KDM4F: variants seen among roughly 807,000 people sequenced by gnomAD.
The protein encoded by KDM4F is probable lysine-specific demethylase 4F.
For synonymous variants in KDM4F, 223 were observed against 184.4 expected (o/e 1.21, Z -1.70); for missense variants, 586 against 496.4 (o/e 1.18, Z -1.71).
chr11:95,050,781 G>C (rs1858503957), exon 1 of KDM4F: 2 of 640,848 alleles, frequency 3.1e-6, no homozygotes, highest in African/African-American at 3.6e-5. Context: ...GGAGACAACT[G>C]TTCAGTCTGC....
chr11:95,050,022 C>T (rs1565432719), exon 1 of KDM4F: 3 of 1,613,896 alleles, frequency 1.9e-6, no homozygotes, highest in African/African-American at 1.3e-5. Flanking sequence ...CATCAACTAC[C>T]TGCACTTTGG....
chr11:95,049,825 C>T, exon 1 of KDM4F: 4 of 1,594,884 alleles, frequency 2.5e-6, no homozygotes, highest in Non-Finnish European at 3.4e-6. Flanking sequence ...ATTTATGGTG[C>T]TGATATCAGC....
chr11:95,050,802 C>G, exon 1 of KDM4F: 1 of 610,206 alleles, frequency 1.6e-6, no homozygotes, highest in Non-Finnish European at 2.9e-6. Flanking sequence ...AGCTAAGAGG[C>G]GCCTCTCAGT....
At chr11:95,050,742 G>A in exon 1 of KDM4F, 1 of 646,930 alleles carries the variant, frequency 1.5e-6, no homozygotes, top group Non-Finnish European at 2.8e-6. Context: ...TCGAGGCCGT[G>A]GTCGTCGTCC....
At chr11:95,050,418 T>TC in the KDM4F span, 1 of 853,822 alleles carries the variant, frequency 1.2e-6, no homozygotes, top group Non-Finnish European at 2.0e-6. Context: ...CTATGAGCTC[T>TC]GGAAACACAG....
exon 1 of KDM4F, chr11:95,049,963 T>A: frequency 6.2e-7 from 1 of 1,614,246 alleles, no homozygotes; most frequent in South Asian, 1.1e-5. Flanking sequence ...TACTTTGGCA[T>A]GTGGAAGACC....
exon 1 of KDM4F, chr11:95,050,536 G>A: frequency 1.4e-6 from 1 of 698,682 alleles, no homozygotes; most frequent in South Asian, 1.5e-5. Context: ...CTGGGCCTGA[G>A]GCATCTCCGG....
chr11:95,051,046 T>C (rs1430735367), exon 1 of KDM4F: 4 of 423,856 alleles, frequency 9.4e-6, no homozygotes, highest in Non-Finnish European at 1.6e-5. Context: ...CTTCCTCTTG[T>C]TGTCCCTATG....
At chr11:95,049,456 G>A (rs1858488712) in exon 1 of KDM4F, 1 of 1,509,004 alleles carries the variant, frequency 6.6e-7, no homozygotes, top group Non-Finnish European at 8.9e-7. Context: ...CAGAACACGA[G>A]TCATACCATC....
exon 1 of KDM4F, chr11:95,051,047 T>A (rs1399062728): frequency 7.1e-6 from 3 of 424,190 alleles, no homozygotes; most frequent in African/African-American, 6.1e-5. Flanking sequence ...TTCCTCTTGT[T>A]GTCCCTATGA....
At chr11:95,049,719 C>A in exon 1 of KDM4F, 1 of 1,605,638 alleles carries the variant, frequency 6.2e-7, no homozygotes, top group African/African-American at 1.3e-5. Context: ...GCAGTATCGC[C>A]ACTTGGCAAA....
exon 1 of KDM4F, chr11:95,050,783 T>A (rs1023476468): frequency 3.1e-6 from 2 of 639,116 alleles, no homozygotes; most frequent in Admixed American, 2.4e-5. Context: ...AGACAACTGT[T>A]CAGTCTGCAG....
At position 95,049,971 on chromosome 11, in the gene KDM4F, A is replaced by G. The variant is rs1858494661; in HGVS notation, c.550A>G (p.Thr184Ala). Residue 184 changes from threonine to alanine, a missense_variant, in exon 1 of 1, where the codon ACC (threonine) becomes GCC (alanine). By Grantham distance (58) the Thr-to-Ala change is moderately conservative (BLOSUM62 0). Transcript: ENST00000545950. ...CTACCTGTACTTTGGCATGTGGAAG[A>G]CCACGTTTGCTTGGCACACGGAGGA... is the stretch of plus-strand genomic sequence containing the variant. 2.5e-6 allele frequency: 4 copies of G among 1,614,210 alleles called. No homozygotes were observed. The Admixed American group carries it at 6.7e-5, about 27-fold the overall frequency.
exon 1 of KDM4F, chr11:95,050,264 T>A: frequency 6.5e-7 from 1 of 1,529,408 alleles, no homozygotes. Context: ...CTGGCTTCAA[T>A]CACGGCTTCA....
exon 1 of KDM4F, chr11:95,050,030 T>C (rs1858495228): frequency 2.5e-6 from 4 of 1,613,448 alleles, no homozygotes. Flanking sequence ...ACCTGCACTT[T>C]GGGGAGCCCA....
rs1340740594 is a variant in KDM4F at position 95,049,826 on chromosome 11, T to C, written c.405T>C (p.Ala135=). The change falls in exon 1 of 1, where the codon GCT becomes GCC. Residue 135 remains alanine (A), a synonymous_variant. Coordinates refer to ENST00000545950, the Ensembl canonical transcript of KDM4F. ...CCGGTAATCCACCAATTTATGGTGC[T>C]GATATCAGCGGCTCCTTATTTGAAG... The C allele has an allele frequency of 1.4e-5, 22 of 1,596,708 alleles. No homozygotes were observed. In the African/African-American group the frequency reaches 2.3e-4, roughly 17 times the overall value.
chr11:95,049,718 C>A (rs1042332241), exon 1 of KDM4F: 7 of 1,605,572 alleles, frequency 4.4e-6, no homozygotes, highest in Middle Eastern at 1.7e-4. Flanking sequence ...GGCAGTATCG[C>A]CACTTGGCAA....
In KDM4F at chr11:95,050,716, G is replaced by A. The variant is rs61732901; in HGVS notation, c.1295G>A (p.Arg432His). Residue 432 changes from arginine (R) to histidine (H), a missense_variant, in exon 1 of 1, where the codon CGT becomes CAT. By Grantham distance (29) the Arg-to-His change is conservative. Transcript: ENST00000545950. ...TGGGGTCCTTGTCGTGGCTGTGGTC[G>A]TGGTCGAGGTCGTGGTCGAGGCCGT... is the stretch of plus-strand genomic sequence containing the variant. 1.7e-3 allele frequency: 1,061 copies of A among 633,116 alleles called. 2 individuals are homozygous for A. Among genetic ancestry groups the A allele is most frequent in the Non-Finnish European group, 2.3e-3 (821 of 354,574 alleles). The allele number at this position is 633,116 out of a possible 1,614,324, so 39.2% of individuals were successfully genotyped here. A position where few individuals can be genotyped will look rare whatever the true frequency, so the allele number is the denominator to read the frequency against.
At chr11:95,051,099 G>A in exon 1 of KDM4F, 1 of 404,856 alleles carries the variant, frequency 2.5e-6, no homozygotes, top group Non-Finnish European at 4.3e-6. Context: ...ATTGTCCAGG[G>A]ACACTGGTGG....
Sources: allele counts gnomAD v4.1 joint callset, GRCh38; gene constraint gnomAD v4.1.1; transcripts MANE v1.5; gene names NCBI Gene and HGNC (gene_info 2026-07-23, HGNC 2026-07-21).